HNRNPA2B1: variants seen among roughly 807,000 people sequenced by gnomAD.
HNRNPA2B1 encodes heterogeneous nuclear ribonucleoproteins A2/B1.
In HNRNPA2B1, 3 loss-of-function variants were observed where a neutral mutation model predicts 46.3. The ratio of observed to expected loss-of-function variants is 0.06; its 90% CI spans 0.03 to 0.17. The LOEUF is 0.17. Among genes scored for constraint, HNRNPA2B1 ranks in the 10% least tolerant of loss-of-function variants. HNRNPA2B1 has a pLI of 1.00. For missense variants in HNRNPA2B1, 221 were observed against 418.9 expected (o/e 0.53, Z 4.12); for synonymous variants, 225 against 133.8 (o/e 1.68, Z -4.70).
At chr7:26,197,206 T>A (rs139586200) in intron 3 of HNRNPA2B1, 109 bp downstream of exon 3, 1 of 1,361,124 alleles carries the variant, frequency 7.3e-7, no homozygotes. Flanking sequence ...CAACACACCT[T>A]TAATAAGAGA....
At chr7:26,192,365 A>G in intron 10 of HNRNPA2B1, 27 bp from the exon 11 acceptor site, 1 of 688,760 alleles carries the variant, frequency 1.5e-6, no homozygotes, top group South Asian at 1.8e-5. Flanking sequence ...AAAGAGTAAA[A>G]AAAAAATAGG....
intron 7 of HNRNPA2B1, chr7:26,195,568 G>A: frequency 2.8e-6 from 1 of 359,378 alleles, no homozygotes; most frequent in Non-Finnish European, 5.1e-6. Flanking sequence ...TTCCAGAGAA[G>A]CACGTACAAA....
rs1384936087 is a variant in HNRNPA2B1, at chr7:26,190,776, G to T, written c.*1584C>A. 6.6e-6 allele frequency: 1 copy of T among 152,168 alleles called. No individual in the cohort carries two copies. The highest frequency in any genetic ancestry group is 1.5e-5 in the Non-Finnish European group (1 of 68,028). 9.4% of individuals were successfully genotyped at this position (152,168 alleles called of 1,614,324 possible). On this transcript the variant is annotated 3_prime_UTR_variant, in exon 11 of 11. Coordinates refer to ENST00000618183, the MANE Select transcript of HNRNPA2B1 (RefSeq NM_002137.4). ...CAGACAAGACACTTCACTCAAGTAT[G>T]AACTACTATCTGAAAATAGATTCAA... is the stretch of plus-strand genomic sequence containing the variant.
intron 1 of HNRNPA2B1, 22 bp downstream of exon 1, chr7:26,200,548 ACT>A (rs1470219101): frequency 3.7e-6 from 6 of 1,612,514 alleles, no homozygotes; most frequent in East Asian, 2.2e-5. Context: ...CTTTTCAATA[ACT>A]CATTGATTTC....
chr7:26,196,585 T>G lies in HNRNPA2B1; in HGVS notation c.549A>C (p.Glu183Asp), dbSNP rs775261393. 1 of 1,614,044 alleles carries G rather than the reference T, an allele frequency of 6.2e-7. No homozygotes were observed. Among genetic ancestry groups the G allele is most frequent in the South Asian group, 1.1e-5 (1 of 91,082 alleles). Reference sequence around the variant, plus strand: ...CTCTTCCACTCCTAGAACTCTGAACTTCCTGCATTTCTTGTCTAGACAAAG... The same window carrying G: ...CTCTTCCACTCCTAGAACTCTGAACGTCCTGCATTTCTTGTCTAGACAAAG... ...RKALSRQEMQ[E>D]VQSSRSGRGG... Residue 183 changes from glutamate (E) to aspartate (D), a missense_variant, in exon 5 of 11, where the codon GAA (glutamate) becomes GAC (aspartate). Transcript: ENST00000618183.
At position 26,194,864 on chromosome 7, in the gene HNRNPA2B1, G is replaced by A. The variant is rs145843491; in HGVS notation, c.721+983C>T. ...AACCCCAGCGTTTTTGGGAGGCCAA[G>A]GTGGGCAGTTCACGAGGTCAGGAGT... On this transcript the variant is annotated intron_variant, in intron 7 of 10. Transcript: ENST00000618183. Among the ~76,000 whole-genome samples, 1,161 of 151,776 alleles carry A rather than the reference G, an allele frequency of 7.6e-3. 14 individuals are homozygous for A. The highest frequency in any genetic ancestry group is 0.026 in the African/African-American group (1,088 of 41,396).
intron 1 of HNRNPA2B1, chr7:26,199,841 C>T (rs1409192853): frequency 3.3e-5 from 5 of 152,170 alleles, no homozygotes; most frequent in African/African-American, 4.8e-5. Flanking sequence ...GTGGTGATAT[C>T]TTCTCTGAAA....
chr7:26,191,758 CA>C lies in HNRNPA2B1; in HGVS notation c.*601del, dbSNP rs1368404898. On this transcript the variant is annotated 3_prime_UTR_variant, in exon 11 of 11. Coordinates refer to ENST00000618183, the MANE Select transcript of HNRNPA2B1 (RefSeq NM_002137.4). ...ACATCTGACCAGCATTTATCTTATA[CA>C]AATATAACAACAGCTTTGCAACGGA... The C allele has an allele frequency of 1.3e-5, 2 of 152,406 alleles. No individual in the cohort carries two copies. Among genetic ancestry groups the C allele is most frequent in the African/African-American group, 4.8e-5 (2 of 41,442 alleles). 9.4% of individuals were successfully genotyped at this position (152,406 alleles called of 1,614,324 possible). A position where few individuals can be genotyped will look rare whatever the true frequency, so the allele number is the denominator to read the frequency against.
Position 26,195,869 on chromosome 7 carries a change from A to G in HNRNPA2B1, c.699T>C (p.Asn233=). ...GSGRGFGDGY[N]GYGGGPGGGN... ...GACCTCCAGGTCCTCCTCCATACCC[A>G]TTATAGCCATCCCCAAATCCACGTC... Residue 233 remains asparagine, a synonymous_variant, in exon 7 of 11, where the codon AAT becomes AAC. Transcript: ENST00000618183. 6.2e-7 allele frequency: 1 copy of G among 1,610,702 alleles called. No homozygotes were observed. Among genetic ancestry groups the G allele is most frequent in the Non-Finnish European group, 8.5e-7 (1 of 1,179,050 alleles).
At position 26,195,121 on chromosome 7, in the gene HNRNPA2B1, TA is replaced by T. The variant is rs779105929; in HGVS notation, c.721+725del. ...AAAAAAAAAAAAAAAGAAACCATAT[TA>T]AAAAAAAAAAAAAAGCTTGTGGGCT... On this transcript the variant is annotated intron_variant, in intron 7 of 10. Coordinates refer to ENST00000618183, the MANE Select transcript of HNRNPA2B1 (RefSeq NM_002137.4). Among the ~76,000 whole-genome samples the T allele has an allele frequency of 6.2e-3, 733 of 118,668 alleles. 5 individuals carry two copies. The highest frequency in any genetic ancestry group is 9.8e-3 in the African/African-American group (314 of 32,112). 77.9% of individuals were successfully genotyped at this position (118,668 alleles called of 152,430 possible). A position where few individuals can be genotyped will look rare whatever the true frequency, so the allele number is the denominator to read the frequency against.
intron 1 of HNRNPA2B1, chr7:26,198,378 C>T (rs774530975): frequency 3.3e-5 from 5 of 152,466 alleles, no homozygotes; most frequent in Non-Finnish European, 5.9e-5. Flanking sequence ...TTAAAAATTA[C>T]TCTTATAACC....
intron 7 of HNRNPA2B1, 164 bp downstream of exon 7, chr7:26,195,683 G>A (rs1432773291): frequency 1.5e-6 from 1 of 688,134 alleles, no homozygotes; most frequent in South Asian, 2.1e-5. Flanking sequence ...GGCTATAACA[G>A]CTAAGATGGC....
Position 26,191,906 on chromosome 7 carries a change from A to G in HNRNPA2B1, c.*454T>C, listed in dbSNP as rs1421202652. 3 of 152,676 alleles carry G rather than the reference A, an allele frequency of 2.0e-5. No individual in the cohort carries two copies. The East Asian group carries it at 5.8e-4, about 29-fold the overall frequency. 9.5% of individuals were successfully genotyped at this position (152,676 alleles called of 1,614,324 possible). On this transcript the variant is annotated 3_prime_UTR_variant, in exon 11 of 11. Transcript: ENST00000618183. The stretch of plus-strand genomic sequence containing the variant: ...AACAGCTTCTTAACTCTACACACGC[A>G]CTTAAATTTTTTTAAAGGAAAAACG...
chr7:26,196,236 T>C (rs559792693), intron 6 of HNRNPA2B1, among the ~76,000 whole-genome samples, 165 bp downstream of exon 6: 54 of 152,224 alleles, frequency 3.5e-4, no homozygotes, highest in Non-Finnish European at 6.3e-4. Context: ...ACAACTCTAT[T>C]AACTTCTTGT....
rs765672701 is a variant in HNRNPA2B1, at chr7:26,196,662, G to A, written c.476-4C>T. The A allele has an allele frequency of 3.7e-6, 6 of 1,609,764 alleles. No homozygotes were observed. The highest frequency in any genetic ancestry group is 1.3e-5 in the African/African-American group (1 of 74,684). On this transcript the variant is annotated splice_polypyrimidine_tract_variant and splice_region_variant and intron_variant, in intron 4 of 10. Transcript: ENST00000618183. ...TTGATGGTATGGTATTTCTGCACTG[G>A]AATGAAAAATTCAGACTCCTTTTAA...
Position 26,196,538 on chromosome 7 carries a change from G to T in HNRNPA2B1, c.577+19C>A. The T allele has an allele frequency of 6.2e-7, 1 of 1,612,424 alleles. No homozygotes were observed. Among genetic ancestry groups the T allele is most frequent in the Non-Finnish European group, 8.5e-7 (1 of 1,178,696 alleles). ...CTTATATATGAACAAAAATAAAGAAGAAACAGAATTAAAATTACCTCCTCT... is the reference window on the plus strand; with the variant it reads ...CTTATATATGAACAAAAATAAAGAATAAACAGAATTAAAATTACCTCCTCT... On this transcript the variant is annotated intron_variant, in intron 5 of 10. Coordinates refer to ENST00000618183, the MANE Select transcript of HNRNPA2B1 (RefSeq NM_002137.4).
chr7:26,195,780 G>T (rs1783517291), intron 7 of HNRNPA2B1, 67 bp downstream of exon 7: 3 of 1,524,688 alleles, frequency 2.0e-6, no homozygotes, highest in African/African-American at 1.4e-5. Flanking sequence ...AAATATAAAT[G>T]AAGTAAATAT....
chr7:26,200,483 T>C (rs986053137), intron 1 of HNRNPA2B1, 89 bp downstream of exon 1: 10 of 1,338,590 alleles, frequency 7.5e-6, no homozygotes, highest in African/African-American at 2.9e-5. Context: ...CCTGCCTCTC[T>C]CCCACGGAGG....
chr7:26,198,174 A>G (rs1783878661), intron 1 of HNRNPA2B1: 1 of 245,356 alleles, frequency 4.1e-6, no homozygotes. Context: ...CTCTTGGTTC[A>G]TTACTTATGA....
Sources: allele counts gnomAD v4.1 joint callset (sites outside exome capture counted in the v4.1 genomes callset), GRCh38; gene constraint gnomAD v4.1.1; transcripts MANE v1.5; gene names NCBI Gene and HGNC (gene_info 2026-07-23, HGNC 2026-07-21).